The following CDH10 variants were observed in gnomAD, a reference collection of about 807,000 sequenced individuals.
The protein encoded by CDH10 is cadherin-10.
CDH10 carries 30 observed loss-of-function variants against 73.1 expected under a neutral mutation model. The observed-to-expected ratio is 0.41, with a 90% CI of 0.31 to 0.56. The LOEUF (loss-of-function observed/expected upper bound fraction) is 0.56. Ranked by LOEUF, CDH10 falls within the 20% of genes least tolerant of loss-of-function variation. The pLI is 0.27. For synonymous variants in CDH10, 345 were observed against 348.2 expected (o/e 0.99, Z 0.10); for missense variants, 815 against 973.7 (o/e 0.84, Z 2.17).
chr5:24,575,462 T>C (rs1357731581), intron 2 of CDH10, among the ~76,000 whole-genome samples: 1 of 151,932 alleles, frequency 6.6e-6, no homozygotes, highest in Non-Finnish European at 1.5e-5. Flanking sequence ...GTTAAGATAC[T>C]TTACCTAAAA....
intron 2 of CDH10, among the ~76,000 whole-genome samples, chr5:24,540,933 A>G (rs73743631): frequency 0.01 from 1,532 of 152,092 alleles, 28 homozygotes; most frequent in African/African-American, 0.035. Flanking sequence ...GGATAATCTA[A>G]TTGTACATAA....
At chr5:24,508,821 C>A (rs2111744776) in intron 7 of CDH10, among the ~76,000 whole-genome samples, 1 of 152,286 alleles carries the variant, frequency 6.6e-6, no homozygotes, top group African/African-American at 2.4e-5. Context: ...ATCCAGCCTA[C>A]TTTATAATTT....
chr5:24,558,978 A>C (rs2111980656), intron 2 of CDH10, among the ~76,000 whole-genome samples: 1 of 151,952 alleles, frequency 6.6e-6, no homozygotes, highest in Admixed American at 6.6e-5. Flanking sequence ...TACAGATTTT[A>C]GAAATCTCAT....
At chr5:24,575,903 T>C (rs1304140870) in intron 2 of CDH10, among the ~76,000 whole-genome samples, 1 of 152,086 alleles carries the variant, frequency 6.6e-6, no homozygotes. Context: ...AACATTTTTT[T>C]TCTCTTTGGA....
At chr5:24,497,438 A>G (rs1742332481) in intron 9 of CDH10, among the ~76,000 whole-genome samples, 1 of 152,118 alleles carries the variant, frequency 6.6e-6, no homozygotes, top group Admixed American at 6.5e-5. Context: ...AATATTCCAA[A>G]TTAAACATTT....
At chr5:24,581,296 A>G (rs183170067) in intron 2 of CDH10, among the ~76,000 whole-genome samples, 68 of 152,264 alleles carry the variant, frequency 4.5e-4, no homozygotes, top group Middle Eastern at 6.8e-3. Context: ...TTTCTTCTTC[A>G]TGAAAACAGT....
At chr5:24,568,451 T>C (rs1285947520) in intron 2 of CDH10, among the ~76,000 whole-genome samples, 1 of 152,062 alleles carries the variant, frequency 6.6e-6, no homozygotes, top group Non-Finnish European at 1.5e-5. Flanking sequence ...GAAACATCAT[T>C]TCATACCCAT....
rs144567766 is a variant in CDH10 at position 24,509,763 on chromosome 5, G to A, written c.1059C>T (p.Thr353=). Residue 353 remains threonine (T), a synonymous_variant, in exon 7 of 12, where the codon ACC becomes ACT. Coordinates refer to ENST00000264463, the MANE Select transcript of CDH10 (RefSeq NM_006727.5). ...LYTLKVEAEN[T]HVDPRFYYLG... The stretch of plus-strand genomic sequence containing the variant: ...GGTAATAAAAACGGGGATCTACATG[G>A]GTGTTTTCTGCTTCGACTTTCAGAG... 8.3e-4 allele frequency: 1,335 copies of A among 1,611,298 alleles called. 3 individuals are homozygous for A. Among genetic ancestry groups the A allele is most frequent in the Middle Eastern group, 2.5e-3 (15 of 6,060 alleles).
chr5:24,608,437 T>C (rs1348563693), intron 1 of CDH10, among the ~76,000 whole-genome samples: 1 of 151,770 alleles, frequency 6.6e-6, no homozygotes, highest in Non-Finnish European at 1.5e-5. Context: ...GGACTAGAGG[T>C]GCGCACCACC....
rs1231247579 is a variant in CDH10 at position 24,546,749 on chromosome 5, A to G, written c.232-9075T>C. Among the ~76,000 whole-genome samples, 3 of 152,162 alleles carry G rather than the reference A, an allele frequency of 2.0e-5. No homozygotes were observed. In the East Asian group the frequency reaches 5.8e-4, roughly 29 times the overall value. Reference sequence around the variant, plus strand: ...TAATTTTTTCTGAAACTAAAAGTATAGTTATTTGAAAATAAGAACCAAGTT... The same window carrying G: ...TAATTTTTTCTGAAACTAAAAGTATGGTTATTTGAAAATAAGAACCAAGTT... On this transcript the variant is annotated intron_variant, in intron 2 of 11. Coordinates refer to ENST00000264463, the MANE Select transcript of CDH10 (RefSeq NM_006727.5).
chr5:24,500,890 G>C (rs1010692864), intron 8 of CDH10, among the ~76,000 whole-genome samples: 1 of 151,788 alleles, frequency 6.6e-6, no homozygotes, highest in African/African-American at 2.4e-5. Flanking sequence ...AGTCTGAAGA[G>C]GTATGCATTT....
At chr5:24,629,545 G>A (rs1747632307) in intron 1 of CDH10, among the ~76,000 whole-genome samples, 1 of 152,132 alleles carries the variant, frequency 6.6e-6, no homozygotes, top group African/African-American at 2.4e-5. Context: ...GTTTGGCTTT[G>A]TGTTCCCACC....
intron 2 of CDH10, among the ~76,000 whole-genome samples, chr5:24,572,193 C>G (rs966859687): frequency 3.9e-5 from 6 of 152,076 alleles, no homozygotes; most frequent in Non-Finnish European, 8.8e-5. Flanking sequence ...CCCGGGAAAG[C>G]CAAGGAGCAG....
At chr5:24,633,932 C>T (rs957706923) in intron 1 of CDH10, among the ~76,000 whole-genome samples, 1 of 151,742 alleles carries the variant, frequency 6.6e-6, no homozygotes, top group Non-Finnish European at 1.5e-5. Flanking sequence ...TGGCTCTCAA[C>T]ACCGAAATAT....
rs2111599909 is a variant in CDH10, at chr5:24,487,737, G to C, written c.2293C>G (p.Leu765Val). The part of the protein sequence containing the change: ...TTEGDQNYDY[L>V]REWGPRFNKL... ...TTAAACCGAGGGCCCCATTCTCGGAGGTAATCGTAGTTTTGGTCTCCTTCA... is the reference window on the plus strand; with the variant it reads ...TTAAACCGAGGGCCCCATTCTCGGACGTAATCGTAGTTTTGGTCTCCTTCA... The change falls in exon 12 of 12, where the codon CTC becomes GTC. Residue 765 changes from leucine to valine, a missense_variant. Coordinates refer to ENST00000264463, the MANE Select transcript of CDH10 (RefSeq NM_006727.5). The C allele has an allele frequency of 6.2e-7, 1 of 1,613,732 alleles. No individual in the cohort carries two copies. Among genetic ancestry groups the C allele is most frequent in the Non-Finnish European group, 8.5e-7 (1 of 1,179,830 alleles).
At chr5:24,596,448 C>A (rs562860543) in intron 1 of CDH10, among the ~76,000 whole-genome samples, 1 of 151,704 alleles carries the variant, frequency 6.6e-6, no homozygotes, top group Non-Finnish European at 1.5e-5. Context: ...TAACTACTAA[C>A]GGCCGTTTTC....
At position 24,532,768 on chromosome 5, in the gene CDH10, A is replaced by G. The variant is rs530685817; in HGVS notation, c.814+2344T>C. Reference sequence around the variant, plus strand: ...CTCTTGCTTTTTGAAAACTTTTCCTATGTGGCTTTATCATTTCTATCCTAA... The same window carrying G: ...CTCTTGCTTTTTGAAAACTTTTCCTGTGTGGCTTTATCATTTCTATCCTAA... On this transcript the variant is annotated intron_variant, in intron 5 of 11. Coordinates refer to ENST00000264463, the MANE Select transcript of CDH10 (RefSeq NM_006727.5). Among the ~76,000 whole-genome samples, 8 of 152,182 alleles carry G rather than the reference A, an allele frequency of 5.3e-5. No individual in the cohort carries two copies. The South Asian group carries it at 1.7e-3, about 32-fold the overall frequency.
chr5:24,608,904 A>G (rs1350188821), intron 1 of CDH10, among the ~76,000 whole-genome samples: 1 of 152,212 alleles, frequency 6.6e-6, no homozygotes, highest in East Asian at 1.9e-4. Context: ...AAAATTTCCC[A>G]TAACACATTA....
chr5:24,623,228 C>T (rs541957176), intron 1 of CDH10, among the ~76,000 whole-genome samples: 4 of 152,256 alleles, frequency 2.6e-5, no homozygotes, highest in African/African-American at 9.6e-5. Context: ...TAGTCAGGCA[C>T]GCTCCTGGTG....
Sources: allele counts gnomAD v4.1 joint callset (sites outside exome capture counted in the v4.1 genomes callset), GRCh38; gene constraint gnomAD v4.1.1; transcripts MANE v1.5; gene names NCBI Gene and HGNC (gene_info 2026-07-23, HGNC 2026-07-21).